The following VPS9D1 variants were observed in gnomAD, a reference collection of about 807,000 sequenced individuals.
The protein encoded by VPS9D1 is VPS9 domain-containing protein 1.
Under a neutral mutation model 75.8 loss-of-function variants are expected in VPS9D1, and 78 were observed. That is an observed-to-expected ratio of 1.03 (90% CI 0.86 to 1.24). The LOEUF (loss-of-function observed/expected upper bound fraction) is 1.24. VPS9D1 is among the 50% of genes most tolerant of loss of function. The pLI is 0.00. For missense variants in VPS9D1, 1,057 were observed against 847.7 expected, an observed-to-expected ratio of 1.25 and a Z score of -3.07; for synonymous variants, 481 against 385.6, an observed-to-expected ratio of 1.25 and a Z score of -2.90.
In VPS9D1 at chr16:89,711,408, C is replaced by CA; in HGVS notation, c.751dup (p.Trp251LeufsTer141). The CA allele has an allele frequency of 6.2e-7, 1 of 1,606,348 alleles. No homozygotes were observed. Among genetic ancestry groups the CA allele is most frequent in the Non-Finnish European group, 8.5e-7 (1 of 1,176,554 alleles). The stretch of plus-strand genomic sequence containing the variant: ...GAGCTTGGCCTTCCAGTGCTTCGGC[C>CA]AGTCCTACGGGACAGGGGGCCTTGA... On this transcript the variant is annotated frameshift_variant, in exon 9 of 15. Transcript: ENST00000389386. LOFTEE classifies it high-confidence loss of function.
Position 89,719,105 on chromosome 16 carries a change from G to C in VPS9D1, c.100-3C>G. 1 of 1,613,338 alleles carries C rather than the reference G, an allele frequency of 6.2e-7. No homozygotes were observed. The highest frequency in any genetic ancestry group is 8.5e-7 in the Non-Finnish European group (1 of 1,179,658). On this transcript the variant is annotated splice_region_variant and splice_polypyrimidine_tract_variant and intron_variant, in intron 1 of 14. Transcript: ENST00000389386. Reference sequence around the variant, plus strand: ...CTCAGGTATTCCGTGTATGCCTCCTGTGTCCAGGAAAGAGAAAGAGTGGGG... The same window carrying C: ...CTCAGGTATTCCGTGTATGCCTCCTCTGTCCAGGAAAGAGAAAGAGTGGGG...
chr16:89,714,576 G>T (rs1342874671), intron 4 of VPS9D1, among the ~76,000 whole-genome samples: 1 of 152,210 alleles, frequency 6.6e-6, no homozygotes, highest in Non-Finnish European at 1.5e-5. Flanking sequence ...AAGGGGACTG[G>T]GAAGCCAGGC....
intron 4 of VPS9D1, among the ~76,000 whole-genome samples, chr16:89,715,506 G>A (rs1279194050): frequency 4.6e-5 from 7 of 151,754 alleles, no homozygotes; most frequent in South Asian, 2.1e-4. Context: ...GATTACAGGC[G>A]TGAGCCACCG....
rs915042184 is a variant in VPS9D1 at position 89,712,529 on chromosome 16, G to T, written c.544-7C>A. On this transcript the variant is annotated splice_polypyrimidine_tract_variant and splice_region_variant and intron_variant, in intron 5 of 14. Coordinates refer to ENST00000389386, the MANE Select transcript of VPS9D1 (RefSeq NM_004913.3). ...GCCGCTGTAGAGAGAGGGTCTGGGG[G>T]GGGAGGAGGGAGTAAGGCCGACTCC... 3 of 1,612,124 alleles carry T rather than the reference G, an allele frequency of 1.9e-6. No individual in the cohort carries two copies. Among genetic ancestry groups the T allele is most frequent in the Non-Finnish European group, 2.5e-6 (3 of 1,179,760 alleles).
At chr16:89,720,457 G>C in intron 1 of VPS9D1, 1 of 1,078,638 alleles carries the variant, frequency 9.3e-7, no homozygotes. Context: ...CCGTCACTCG[G>C]ATTTTGGAAG....
intron 2 of VPS9D1, chr16:89,717,641 C>CG: frequency 2.2e-6 from 1 of 456,542 alleles, no homozygotes; most frequent in Non-Finnish European, 4.4e-6. Flanking sequence ...CGACTCCCCC[C>CG]GGAAACTGCC....
chr16:89,709,019 T>TA lies in VPS9D1; in HGVS notation c.1598-64dup. The TA allele has an allele frequency of 1.4e-5, 18 of 1,290,650 alleles. 1 individual carries two copies. The South Asian group carries it at 2.3e-4, about 17-fold the overall frequency. 79.9% of individuals were successfully genotyped at this position (1,290,650 alleles called of 1,614,324 possible). Reference sequence around the variant, plus strand: ...GTCCAGCAGCCTGAGCCACCCCTTATACCCCGCCCACCCACCCACCTCCTG... The same window carrying TA: ...GTCCAGCAGCCTGAGCCACCCCTTATAACCCCGCCCACCCACCCACCTCCTG... On this transcript the variant is annotated intron_variant, in intron 12 of 14. Coordinates refer to ENST00000389386, the MANE Select transcript of VPS9D1 (RefSeq NM_004913.3).
In VPS9D1 at chr16:89,711,356, G is replaced by A. The variant is rs755268067; in HGVS notation, c.804C>T (p.Leu268=). 3.7e-6 allele frequency: 6 copies of A among 1,610,930 alleles called. No individual in the cohort carries two copies. In the East Asian group the frequency reaches 1.1e-4, roughly 30 times the overall value. The change falls in exon 9 of 15, where the codon CTC becomes CTT. Residue 268 remains leucine, a synonymous_variant. Coordinates refer to ENST00000389386, the MANE Select transcript of VPS9D1 (RefSeq NM_004913.3). ...GCAGGTGTGAGACCAGGCTGGTCAC[G>A]AGTGACAGGTCCCCCGGATTCCTCT... ...KLKRNPGDLS[L]VTSLVSHLLS...
rs781335301 is a variant in VPS9D1, at chr16:89,709,446, G to A, written c.1389-11C>T. Reference sequence around the variant, plus strand: ...GCTCGGTGCACGCTCCTGGGGCAGAGAGAGGCCAGGCTAAGCTGCCCCAGG... The same window carrying A: ...GCTCGGTGCACGCTCCTGGGGCAGAAAGAGGCCAGGCTAAGCTGCCCCAGG... On this transcript the variant is annotated splice_polypyrimidine_tract_variant and intron_variant, in intron 11 of 14. Coordinates refer to ENST00000389386, the MANE Select transcript of VPS9D1 (RefSeq NM_004913.3). 6.7e-6 allele frequency: 10 copies of A among 1,503,426 alleles called. No individual in the cohort carries two copies. The highest frequency in any genetic ancestry group is 8.8e-6 in the Non-Finnish European group (10 of 1,135,266). The allele number at this position is 1,503,426 out of a possible 1,614,324, so 93.1% of individuals were successfully genotyped here.
rs2060916150 is a variant in VPS9D1, at chr16:89,711,408, C to G, written c.752G>C (p.Trp251Ser). 1 of 1,606,348 alleles carries G rather than the reference C, an allele frequency of 6.2e-7. No homozygotes were observed. The highest frequency in any genetic ancestry group is 8.5e-7 in the Non-Finnish European group (1 of 1,176,554). The change falls in exon 9 of 15, where the codon TGG becomes TCG. Residue 251 changes from tryptophan to serine, a missense_variant. By Grantham distance (177) the Trp-to-Ser change is radical. Coordinates refer to ENST00000389386, the MANE Select transcript of VPS9D1 (RefSeq NM_004913.3). ...GAGCTTGGCCTTCCAGTGCTTCGGC[C>G]AGTCCTACGGGACAGGGGGCCTTGA... ...AILEYEQDHD[W>S]PKHWKAKLKR...
chr16:89,707,971 G>T lies in VPS9D1; in HGVS notation c.1803-17C>A. 6.2e-7 allele frequency: 1 copy of T among 1,609,794 alleles called. No homozygotes were observed. The highest frequency in any genetic ancestry group is 1.1e-5 in the South Asian group (1 of 91,010). ...ATCAGGTACCTGCATGGATGGCAGGGGCAGCCGGTGTCATCTGAACGAACA... is the reference window on the plus strand; with the variant it reads ...ATCAGGTACCTGCATGGATGGCAGGTGCAGCCGGTGTCATCTGAACGAACA... On this transcript the variant is annotated splice_polypyrimidine_tract_variant and intron_variant, in intron 14 of 14. Transcript: ENST00000389386.
In VPS9D1 at chr16:89,716,509, G is replaced by A. The variant is rs376155869; in HGVS notation, c.384C>T (p.Pro128=). The A allele has an allele frequency of 4.8e-5, 77 of 1,613,940 alleles. No individual in the cohort carries two copies. The highest frequency in any genetic ancestry group is 6.0e-5 in the Non-Finnish European group (71 of 1,180,016). The part of the protein sequence containing the change: ...EGGKLSPFLP[P]EIFQKLQGAE... Reference sequence around the variant, plus strand: ...CCCCCTGAAGCTTCTGGAAGATCTCGGGTGGCAGAAAAGGAGAGAGCTTTC... The same window carrying A: ...CCCCCTGAAGCTTCTGGAAGATCTCAGGTGGCAGAAAAGGAGAGAGCTTTC... Residue 128 remains proline (P), a synonymous_variant, in exon 4 of 15, where the codon CCC becomes CCT. Transcript: ENST00000389386.
Position 89,719,207 on chromosome 16 carries a change from G to A in VPS9D1, c.100-105C>T, listed in dbSNP as rs1260384312. 3.8e-6 allele frequency: 4 copies of A among 1,047,722 alleles called. No homozygotes were observed. In the South Asian group the frequency reaches 5.0e-5, roughly 13 times the overall value. 64.9% of individuals were successfully genotyped at this position (1,047,722 alleles called of 1,614,324 possible). A position where few individuals can be genotyped will look rare whatever the true frequency, so the allele number is the denominator to read the frequency against. ...GGATAAGCAAGGAACACCACCACCT[G>A]CTTATCTCTGAGATACACCCAGAGA... is the stretch of plus-strand genomic sequence containing the variant. On this transcript the variant is annotated intron_variant, in intron 1 of 14. Transcript: ENST00000389386.
intron 13 of VPS9D1, 68 bp downstream of exon 13, chr16:89,708,789 C>G: frequency 7.0e-7 from 1 of 1,430,174 alleles, no homozygotes; most frequent in Non-Finnish European, 9.4e-7. Flanking sequence ...GGAAGATAGT[C>G]CCTCCCGTGA....
chr16:89,716,413 C>T (rs1567550850), intron 4 of VPS9D1, 49 bp downstream of exon 4: 2 of 1,606,818 alleles, frequency 1.2e-6, no homozygotes, highest in Non-Finnish European at 1.7e-6. Context: ...TTCTCAGCCT[C>T]AAAAACCCAA....
rs757852765 is a variant in VPS9D1 at position 89,716,510 on chromosome 16, G to A, written c.383C>T (p.Pro128Leu). 29 of 1,613,952 alleles carry A rather than the reference G, an allele frequency of 1.8e-5. No homozygotes were observed. The East Asian group carries it at 6.2e-4, about 35-fold the overall frequency. The stretch of plus-strand genomic sequence containing the variant: ...CCCCTGAAGCTTCTGGAAGATCTCG[G>A]GTGGCAGAAAAGGAGAGAGCTTTCC... Reference protein sequence around the residue: ...EGGKLSPFLPPEIFQKLQGAE... With the variant: ...EGGKLSPFLPLEIFQKLQGAE... Residue 128 changes from proline (P) to leucine (L), a missense_variant, in exon 4 of 15, where the codon CCC becomes CTC. Transcript: ENST00000389386.
chr16:89,720,408 C>T (rs2151649060), intron 1 of VPS9D1: 2 of 1,013,052 alleles, frequency 2.0e-6, no homozygotes, highest in East Asian at 9.2e-5. Context: ...TTAAATCTAC[C>T]ATCTCTGCCC....
chr16:89,711,776 C>G (rs1443074388), intron 8 of VPS9D1, 106 bp downstream of exon 8: 5 of 1,349,042 alleles, frequency 3.7e-6, no homozygotes, highest in Middle Eastern at 2.7e-4. Flanking sequence ...CTCACTGCCC[C>G]CCACAGCCTC....
chr16:89,709,855 G>GC lies in VPS9D1; in HGVS notation c.1309dup (p.Ala437GlyfsTer11). On this transcript the variant is annotated frameshift_variant, in exon 11 of 15. Transcript: ENST00000389386. LOFTEE classifies it high-confidence loss of function. The stretch of plus-strand genomic sequence containing the variant: ...GCAGGCCAGGCAGCGGTCCTTGGAG[G>GC]CAGCTGTGTTTAGGCCTTCGAAGGC... The GC allele has an allele frequency of 6.2e-7, 1 of 1,613,694 alleles. No homozygotes were observed. Among genetic ancestry groups the GC allele is most frequent in the Admixed American group, 1.7e-5 (1 of 60,012 alleles).
Sources: allele counts gnomAD v4.1 joint callset (sites outside exome capture counted in the v4.1 genomes callset), GRCh38; gene constraint gnomAD v4.1.1; transcripts MANE v1.5; gene names NCBI Gene and HGNC (gene_info 2026-07-23, HGNC 2026-07-21).